The following ZFYVE9 variants were observed in gnomAD, a reference collection of about 807,000 sequenced individuals.
ZFYVE9 encodes zinc finger FYVE domain-containing protein 9.
In ZFYVE9, 43 loss-of-function variants were observed where a neutral mutation model predicts 126.7. The observed-to-expected ratio is 0.34, with a 90% CI of 0.27 to 0.44. The LOEUF is 0.44. Among genes scored for constraint, ZFYVE9 ranks in the 20% least tolerant of loss-of-function variants. The probability of loss-of-function intolerance (pLI) is 1.00; values close to 1 mark genes in which losing one functional copy is unlikely to be tolerated. For synonymous variants in ZFYVE9, 521 were observed against 597.4 expected (o/e 0.87, Z 1.87); for missense variants, 1,476 against 1,697.0 (o/e 0.87, Z 2.29).
chr1:52,228,975 G>A (rs1012851593), intron 2 of ZFYVE9, among the ~76,000 whole-genome samples: 1 of 151,160 alleles, frequency 6.6e-6, no homozygotes, highest in Non-Finnish European at 1.5e-5. Flanking sequence ...CTGTAACCTC[G>A]AACTCCTGGG....
chr1:52,144,272 T>G (rs1644288204), intron 1 of ZFYVE9, among the ~76,000 whole-genome samples: 1 of 152,136 alleles, frequency 6.6e-6, no homozygotes, highest in African/African-American at 2.4e-5. Context: ...TGAGCCAAGA[T>G]TGGGCCACTG....
intron 10 of ZFYVE9, among the ~76,000 whole-genome samples, chr1:52,284,585 A>G (rs983634723): frequency 3.3e-5 from 5 of 151,890 alleles, no homozygotes; most frequent in African/African-American, 1.2e-4. Flanking sequence ...ACGCCTGGCT[A>G]ATTTTTTGTA....
rs144150899 is a variant in ZFYVE9 at position 52,253,518 on chromosome 1, G to A, written c.2179-10255G>A. Reference sequence around the variant, plus strand: ...ACATTTAAAAAGCCACACGTGGGTCGCTGGGGAACCCAGGCTGTCCTAGGA... The same window carrying A: ...ACATTTAAAAAGCCACACGTGGGTCACTGGGGAACCCAGGCTGTCCTAGGA... On this transcript the variant is annotated intron_variant, in intron 4 of 18. Coordinates refer to ENST00000287727, the MANE Select transcript of ZFYVE9 (RefSeq NM_004799.4). 3.0e-4 allele frequency: 197 copies of A among 656,022 alleles called. No homozygotes were observed. In the East Asian group the frequency reaches 4.7e-3, roughly 16 times the overall value. 40.6% of individuals were successfully genotyped at this position (656,022 alleles called of 1,614,324 possible). A position where few individuals can be genotyped will look rare whatever the true frequency, so the allele number is the denominator to read the frequency against.
intron 2 of ZFYVE9, among the ~76,000 whole-genome samples, chr1:52,217,961 G>C (rs1487460313): frequency 1.3e-5 from 2 of 152,136 alleles, no homozygotes; most frequent in Non-Finnish European, 2.9e-5. Context: ...TTGATGAATT[G>C]CTGCTGATTG....
intron 2 of ZFYVE9, among the ~76,000 whole-genome samples, chr1:52,232,728 CAAAAAAAAAAAA>C (rs552213191): frequency 1.8e-4 from 5 of 27,344 alleles, no homozygotes; most frequent in African/African-American, 3.1e-4. Context: ...GACTCTGTCT[CAAAAAAAAAAAA>C]AAAAAAAAAA....
rs1645306417 is a variant in ZFYVE9 at position 52,239,016 on chromosome 1, A to G, written c.1599A>G (p.Leu533=). 1 of 1,614,050 alleles carries G rather than the reference A, an allele frequency of 6.2e-7. No individual in the cohort carries two copies. The highest frequency in any genetic ancestry group is 1.3e-5 in the African/African-American group (1 of 74,936). Reference sequence around the variant, plus strand: ...ATGAGGCCACAGAAGGGAGTGGACTACTTTTAAACAGCACTGGTGACCTAA... The same window carrying G: ...ATGAGGCCACAGAAGGGAGTGGACTGCTTTTAAACAGCACTGGTGACCTAA... ...RGNEATEGSG[L]LLNSTGDLMK... is the part of the protein sequence containing the mutation. The change falls in exon 4 of 19, where the codon CTA becomes CTG. Residue 533 remains leucine (L), a synonymous_variant. Coordinates refer to ENST00000287727, the MANE Select transcript of ZFYVE9 (RefSeq NM_004799.4).
At chr1:52,148,901 A>G (rs1644328710) in intron 1 of ZFYVE9, among the ~76,000 whole-genome samples, 1 of 148,408 alleles carries the variant, frequency 6.7e-6, no homozygotes, top group South Asian at 2.2e-4. Flanking sequence ...GGCCTCCCAA[A>G]GTGCTGGGAT....
chr1:52,261,216 T>C (rs1028318285), intron 4 of ZFYVE9, among the ~76,000 whole-genome samples: 5 of 149,510 alleles, frequency 3.3e-5, no homozygotes, highest in Non-Finnish European at 6.0e-5. Flanking sequence ...GTTTTTCTTT[T>C]TCTTTCTTTC....
intron 1 of ZFYVE9, among the ~76,000 whole-genome samples, chr1:52,202,176 C>T (rs470653): frequency 5.9e-5 from 9 of 152,026 alleles, no homozygotes; most frequent in Middle Eastern, 3.4e-3. Context: ...CTCTTTCTTC[C>T]TGCTTATATG....
chr1:52,342,605 G>C (rs930205457), intron 17 of ZFYVE9, among the ~76,000 whole-genome samples: 1 of 150,262 alleles, frequency 6.7e-6, no homozygotes, highest in Non-Finnish European at 1.5e-5. Context: ...GTGCAATCTC[G>C]GCTGACTGCA....
At chr1:52,314,634 G>T (rs190539645) in intron 13 of ZFYVE9, among the ~76,000 whole-genome samples, 6 of 152,092 alleles carry the variant, frequency 3.9e-5, no homozygotes, top group African/African-American at 1.4e-4. Flanking sequence ...CTAGGGCAAC[G>T]TGGTGAAACC....
intron 1 of ZFYVE9, among the ~76,000 whole-genome samples, chr1:52,203,922 G>A (rs534548071): frequency 4.6e-5 from 7 of 151,876 alleles, no homozygotes; most frequent in Admixed American, 6.6e-5. Flanking sequence ...TTCTTTCTTA[G>A]AATTTTTCTA....
intron 10 of ZFYVE9, among the ~76,000 whole-genome samples, chr1:52,291,899 A>C (rs554025988): frequency 5.9e-5 from 9 of 151,746 alleles, no homozygotes; most frequent in African/African-American, 2.2e-4. Context: ...AAAAAAAAAA[A>C]AAAAAAAGAG....
intron 5 of ZFYVE9, among the ~76,000 whole-genome samples, chr1:52,264,473 AACTT>A (rs1365723556): frequency 1.3e-5 from 2 of 152,214 alleles, no homozygotes; most frequent in African/African-American, 4.8e-5. Flanking sequence ...AAGTAAATAA[AACTT>A]ACCCAGTGTT....
chr1:52,295,067 G>A (rs1353471061), intron 11 of ZFYVE9, among the ~76,000 whole-genome samples: 1 of 152,152 alleles, frequency 6.6e-6, no homozygotes, highest in Non-Finnish European at 1.5e-5. Flanking sequence ...AATTAGCTGG[G>A]TATGGTGGCG....
chr1:52,230,888 T>G (rs1008832318), intron 2 of ZFYVE9, among the ~76,000 whole-genome samples: 1 of 152,236 alleles, frequency 6.6e-6, no homozygotes, highest in Non-Finnish European at 1.5e-5. Context: ...TATTTAAATT[T>G]TCTTACTTAG....
intron 9 of ZFYVE9, among the ~76,000 whole-genome samples, chr1:52,281,335 G>A (rs530941327): frequency 3.3e-4 from 50 of 152,012 alleles, no homozygotes; most frequent in African/African-American, 1.1e-3. Flanking sequence ...GGGTTTCACC[G>A]TGTTAGCCAG....
chr1:52,187,323 G>A (rs1006382574), intron 1 of ZFYVE9, among the ~76,000 whole-genome samples: 5 of 152,112 alleles, frequency 3.3e-5, no homozygotes, highest in African/African-American at 9.7e-5. Context: ...AATGCAAGAT[G>A]GTTTAAAGAC....
chr1:52,150,738 C>T (rs867675092), intron 1 of ZFYVE9, among the ~76,000 whole-genome samples: 9 of 149,650 alleles, frequency 6.0e-5, no homozygotes, highest in Non-Finnish European at 1.2e-4. Context: ...CGCCACTGCA[C>T]GCCAGCCTGG....
Sources: allele counts gnomAD v4.1 joint callset (sites outside exome capture counted in the v4.1 genomes callset), GRCh38; gene constraint gnomAD v4.1.1; transcripts MANE v1.5; gene names NCBI Gene and HGNC (gene_info 2026-07-23, HGNC 2026-07-21).